Variants in NOL4L observed in about 807,000 individuals in gnomAD.
NOL4L encodes nucleolar protein 4-like.
In NOL4L, 7 loss-of-function variants were observed where a neutral mutation model predicts 64.5. That is an observed-to-expected ratio of 0.11 (90% CI 0.06 to 0.20). NOL4L has a LOEUF of 0.20. Among genes scored for constraint, NOL4L ranks in the 10% least tolerant of loss-of-function variants. The pLI is 1.00. For synonymous variants in NOL4L, 413 were observed against 401.0 expected (o/e 1.03, Z -0.36); for missense variants, 680 against 967.1 (o/e 0.70, Z 3.94).
intron 4 of NOL4L, among the ~76,000 whole-genome samples, chr20:32,503,181 C>A (rs748616989): frequency 2.0e-5 from 3 of 152,190 alleles, no homozygotes; most frequent in Non-Finnish European, 2.9e-5. Flanking sequence ...TGTTTTCTTG[C>A]TGCAGCATAA....
At chr20:32,449,764 A>C (rs2145421228) in intron 10 of NOL4L, 1 of 152,416 alleles carries the variant, frequency 6.6e-6, no homozygotes, top group East Asian at 1.9e-4. Flanking sequence ...TGGATATTGC[A>C]GGGGATGGAC....
intron 1 of NOL4L, among the ~76,000 whole-genome samples, chr20:32,567,655 G>T (rs1049504521): frequency 6.6e-6 from 1 of 152,216 alleles, no homozygotes; most frequent in African/African-American, 2.4e-5. Context: ...GCACATCTGG[G>T]TGCTGCCCTT....
chr20:32,540,275 A>G (rs1055513974), intron 1 of NOL4L, among the ~76,000 whole-genome samples: 1 of 152,198 alleles, frequency 6.6e-6, no homozygotes, highest in African/African-American at 2.4e-5. Flanking sequence ...ACAGCCACAC[A>G]CACACAGTCA....
chr20:32,461,524 G>A (rs1262556015), intron 5 of NOL4L, among the ~76,000 whole-genome samples: 3 of 147,902 alleles, frequency 2.0e-5, no homozygotes, highest in African/African-American at 7.5e-5. Flanking sequence ...CCGGGTTCAT[G>A]CCATTCTCCT....
intron 1 of NOL4L, among the ~76,000 whole-genome samples, chr20:32,571,790 A>C (rs1461265473): frequency 4.6e-5 from 7 of 151,754 alleles, no homozygotes; most frequent in African/African-American, 1.5e-4. Flanking sequence ...GTGGGGCTGC[A>C]CCTCCCCATT....
At chr20:32,531,787 C>T (rs2018356404) in intron 1 of NOL4L, among the ~76,000 whole-genome samples, 1 of 152,178 alleles carries the variant, frequency 6.6e-6, no homozygotes, top group African/African-American at 2.4e-5. Context: ...TCATCTCTTC[C>T]CTTGGACCCC....
At chr20:32,477,035 C>T (rs1030860061) in intron 4 of NOL4L, among the ~76,000 whole-genome samples, 12 of 152,176 alleles carry the variant, frequency 7.9e-5, no homozygotes, top group South Asian at 4.1e-4. Context: ...AGGAGCCACA[C>T]GAAAAGTTCC....
intron 1 of NOL4L, among the ~76,000 whole-genome samples, chr20:32,576,945 T>C (rs1980152238): frequency 6.6e-6 from 1 of 152,170 alleles, no homozygotes; most frequent in African/African-American, 2.4e-5. Flanking sequence ...GCACCCCTGC[T>C]GCCTTCACTC....
chr20:32,456,864 G>T (rs2013590189), intron 5 of NOL4L, among the ~76,000 whole-genome samples: 1 of 152,204 alleles, frequency 6.6e-6, no homozygotes, highest in Non-Finnish European at 1.5e-5. Flanking sequence ...CCTGCCCACG[G>T]TGGGCCCTCA....
Position 32,456,118 on chromosome 20 carries a change from C to T in NOL4L, c.1119G>A (p.Glu373=), listed in dbSNP as rs1189844376. The T allele has an allele frequency of 6.6e-7, 1 of 1,525,648 alleles. No homozygotes were observed. Among genetic ancestry groups the T allele is most frequent in the Non-Finnish European group, 8.8e-7 (1 of 1,133,878 alleles). 94.5% of individuals were successfully genotyped at this position (1,525,648 alleles called of 1,614,324 possible). A position where few individuals can be genotyped will look rare whatever the true frequency, so the allele number is the denominator to read the frequency against. ...GGACTCAGCCCCCAGCCCCACACACCTCGGGGGTGGTCTTCACCCCGTATT... is the reference window on the plus strand; with the variant it reads ...GGACTCAGCCCCCAGCCCCACACACTTCGGGGGTGGTCTTCACCCCGTATT... ...RVKYGVKTTP[E]SPPYSSGSYD... is the part of the protein sequence containing the mutation. The change falls in exon 6 of 11, where the codon GAG becomes GAA. Residue 373 remains glutamate (E), a splice_region_variant and synonymous_variant. Coordinates refer to ENST00000621426, the MANE Select transcript of NOL4L (RefSeq NM_001256798.2).
chr20:32,569,712 T>C (rs766850050), intron 1 of NOL4L, among the ~76,000 whole-genome samples: 2 of 152,112 alleles, frequency 1.3e-5, no homozygotes, highest in Non-Finnish European at 2.9e-5. Context: ...GCCCCTAGGC[T>C]GCCCCTGACC....
intron 4 of NOL4L, among the ~76,000 whole-genome samples, chr20:32,493,427 C>CA (rs1482499888): frequency 1.3e-5 from 2 of 152,088 alleles, no homozygotes; most frequent in Non-Finnish European, 2.9e-5. Flanking sequence ...GGGTCATGTC[C>CA]AGGTGTGGAG....
At chr20:32,491,658 G>A (rs1014847843) in intron 4 of NOL4L, among the ~76,000 whole-genome samples, 3 of 152,272 alleles carry the variant, frequency 2.0e-5, no homozygotes, top group East Asian at 1.9e-4. Flanking sequence ...TCCTGGACAC[G>A]GGCCACACTT....
chr20:32,487,388 A>C, intron 4 of NOL4L, among the ~76,000 whole-genome samples: 1 of 92,838 alleles, frequency 1.1e-5, no homozygotes, highest in Non-Finnish European at 2.2e-5. Context: ...TGGGGGTGGA[A>C]TGAGGGTGGG....
chr20:32,475,528 C>A (rs1163686977), intron 4 of NOL4L, among the ~76,000 whole-genome samples: 1 of 152,256 alleles, frequency 6.6e-6, no homozygotes, highest in Admixed American at 6.5e-5. Flanking sequence ...CTTGGCCAGT[C>A]ATCCGGGAAC....
At chr20:32,474,536 T>C in intron 5 of NOL4L, 65 bp downstream of exon 5, 2 of 1,551,476 alleles carry the variant, frequency 1.3e-6, no homozygotes, top group Non-Finnish European at 8.7e-7. Context: ...ACCTCTCACC[T>C]GAGGACAACT....
chr20:32,499,953 T>C (rs1302217165), intron 4 of NOL4L, among the ~76,000 whole-genome samples: 1 of 152,056 alleles, frequency 6.6e-6, no homozygotes, highest in Non-Finnish European at 1.5e-5. Flanking sequence ...AGATTCTGTT[T>C]TGGATGGAAA....
At chr20:32,564,221 C>T (rs1275985359) in intron 1 of NOL4L, among the ~76,000 whole-genome samples, 2 of 152,230 alleles carry the variant, frequency 1.3e-5, no homozygotes, top group African/African-American at 4.8e-5. Context: ...AGACCATTAA[C>T]GTGGCCCTGT....
Position 32,456,276 on chromosome 20 carries a change from G to T in NOL4L, c.961C>A (p.Pro321Thr). 1 of 1,591,906 alleles carries T rather than the reference G, an allele frequency of 6.3e-7. No individual in the cohort carries two copies. Among genetic ancestry groups the T allele is most frequent in the South Asian group, 1.1e-5 (1 of 88,174 alleles). Residue 321 changes from proline (P) to threonine (T), a missense_variant, in exon 6 of 11, where the codon CCC (proline) becomes ACC (threonine). Physicochemically the swap from Pro to Thr is conservative, Grantham distance 38 (BLOSUM62 -1). Coordinates refer to ENST00000621426, the MANE Select transcript of NOL4L (RefSeq NM_001256798.2). ...PEMNGNGAVA[P>T]MDFTTAAEDQ... ...TCGGCGGCCGTGGTGAAGTCCATGG[G>T]GGCCACGGCGCCGTTGCCATTCATC...
Sources: allele counts gnomAD v4.1 joint callset (sites outside exome capture counted in the v4.1 genomes callset), GRCh38; gene constraint gnomAD v4.1.1; transcripts MANE v1.5; gene names NCBI Gene and HGNC (gene_info 2026-07-23, HGNC 2026-07-21).